UCK2: variants seen among roughly 807,000 people sequenced by gnomAD.
UCK2 encodes cytidine monophosphokinase 2.
Under a neutral mutation model 30.8 loss-of-function variants are expected in UCK2, and 6 were observed. The ratio of observed to expected loss-of-function variants is 0.19; its 90% CI spans 0.11 to 0.38. The LOEUF is 0.38. Among genes scored for constraint, UCK2 ranks in the 10% least tolerant of loss-of-function variants. The pLI is 1.00. For missense variants in UCK2, 210 were observed against 339.8 expected (o/e 0.62, Z 3.00); for synonymous variants, 125 against 133.6 (o/e 0.94, Z 0.45).
At chr1:165,870,586 A>G (rs1419634364) in intron 1 of UCK2, among the ~76,000 whole-genome samples, 1 of 152,218 alleles carries the variant, frequency 6.6e-6, no homozygotes, top group East Asian at 1.9e-4. Context: ...TGTAGGAGGA[A>G]GAGATTCAAG....
chr1:165,885,313 G>GA (rs1042824530), intron 1 of UCK2: 44 of 398,268 alleles, frequency 1.1e-4, no homozygotes, highest in African/African-American at 6.6e-4. Context: ...TCCTCATTAG[G>GA]AAAAAAGAAG....
At chr1:165,869,337 A>G (rs993927434) in intron 1 of UCK2, among the ~76,000 whole-genome samples, 7 of 151,854 alleles carry the variant, frequency 4.6e-5, no homozygotes, top group African/African-American at 1.2e-4. Context: ...TGTTGCCACA[A>G]ACCTTCAATT....
chr1:165,911,016 A>G lies in UCK2; in HGVS notation c.*3193A>G, dbSNP rs1051347218. Reference sequence around the variant, plus strand: ...TATATGACCTCTCTTGCCCTTGTGCACTTTCCTTGATTTAGCAACCTTGAC... The same window carrying G: ...TATATGACCTCTCTTGCCCTTGTGCGCTTTCCTTGATTTAGCAACCTTGAC... On this transcript the variant is annotated 3_prime_UTR_variant, in exon 7 of 7. Transcript: ENST00000367879. The G allele has an allele frequency of 2.0e-4, 31 of 152,452 alleles. No homozygotes were observed. The highest frequency in any genetic ancestry group is 7.5e-4 in the African/African-American group (31 of 41,596). The allele number at this position is 152,452 out of a possible 1,614,324, so 9.4% of individuals were successfully genotyped here.
At chr1:165,828,309 C>A (rs555713577) in intron 1 of UCK2, among the ~76,000 whole-genome samples, 1 of 152,192 alleles carries the variant, frequency 6.6e-6, no homozygotes, top group Non-Finnish European at 1.5e-5. Context: ...CCCCCACTAA[C>A]CCCCGATGGA....
chr1:165,836,309 GC>G (rs771899349), intron 1 of UCK2, among the ~76,000 whole-genome samples: 4 of 152,098 alleles, frequency 2.6e-5, no homozygotes, highest in Non-Finnish European at 5.9e-5. Flanking sequence ...ATGAGATAGA[GC>G]CTTCCACCCC....
At chr1:165,861,212 C>A (rs1401127704) in intron 1 of UCK2, among the ~76,000 whole-genome samples, 8 of 152,106 alleles carry the variant, frequency 5.3e-5, no homozygotes, top group African/African-American at 1.4e-4. Context: ...GACCTAATCA[C>A]CTCCCAGAGG....
chr1:165,864,107 C>T (rs1340119969), intron 1 of UCK2, among the ~76,000 whole-genome samples: 3 of 152,156 alleles, frequency 2.0e-5, no homozygotes, highest in Non-Finnish European at 4.4e-5. Context: ...ACCACCATGC[C>T]TGGCTAATTT....
chr1:165,856,698 G>A (rs1271596672), intron 1 of UCK2, among the ~76,000 whole-genome samples: 1 of 152,102 alleles, frequency 6.6e-6, no homozygotes, highest in Non-Finnish European at 1.5e-5. Flanking sequence ...TTTCCAGGAG[G>A]TGATTTAATT....
intron 1 of UCK2, among the ~76,000 whole-genome samples, chr1:165,852,261 A>G (rs560237452): frequency 6.6e-6 from 1 of 152,354 alleles, no homozygotes; most frequent in Admixed American, 6.5e-5. Flanking sequence ...AGCAAAAGAA[A>G]CTATCATCAG....
chr1:165,840,198 C>G (rs1271594301), intron 1 of UCK2, among the ~76,000 whole-genome samples: 1 of 152,246 alleles, frequency 6.6e-6, no homozygotes, highest in Non-Finnish European at 1.5e-5. Flanking sequence ...GGAGTACAGG[C>G]GTGAGCCACT....
intron 1 of UCK2, among the ~76,000 whole-genome samples, chr1:165,872,983 A>T (rs1655240035): frequency 6.6e-6 from 1 of 152,248 alleles, no homozygotes; most frequent in Non-Finnish European, 1.5e-5. Flanking sequence ...TTGGAGATGC[A>T]AAAAGCAACT....
At chr1:165,854,368 A>G (rs957770261) in intron 1 of UCK2, among the ~76,000 whole-genome samples, 3 of 152,104 alleles carry the variant, frequency 2.0e-5, no homozygotes, top group Non-Finnish European at 2.9e-5. Flanking sequence ...CTCCTTGGAT[A>G]TTAGTTAACC....
intron 4 of UCK2, among the ~76,000 whole-genome samples, chr1:165,898,981 C>T (rs779879281): frequency 5.9e-5 from 9 of 152,184 alleles, no homozygotes; most frequent in Admixed American, 1.3e-4. Flanking sequence ...TCTCTCTCCA[C>T]GTAGGACAAA....
intron 1 of UCK2, among the ~76,000 whole-genome samples, chr1:165,851,481 C>A (rs140913038): frequency 5.1e-4 from 78 of 152,190 alleles, no homozygotes; most frequent in African/African-American, 1.8e-3. Context: ...GAAAGACCTC[C>A]TTATAGCCTG....
At chr1:165,829,643 GTTC>G (rs1000877652) in intron 1 of UCK2, among the ~76,000 whole-genome samples, 3 of 152,196 alleles carry the variant, frequency 2.0e-5, no homozygotes, top group Admixed American at 6.5e-5. Context: ...CTCTGTTATT[GTTC>G]TTCTTGTGTG....
chr1:165,895,190 G>A (rs1236986383), intron 3 of UCK2, among the ~76,000 whole-genome samples: 1 of 152,144 alleles, frequency 6.6e-6, no homozygotes, highest in Non-Finnish European at 1.5e-5. Flanking sequence ...GAGGTGGGTG[G>A]GTTGCATGAG....
chr1:165,835,142 G>A (rs965127099), intron 1 of UCK2, among the ~76,000 whole-genome samples: 5 of 152,074 alleles, frequency 3.3e-5, no homozygotes, highest in Non-Finnish European at 7.3e-5. Context: ...GTGGAGATGA[G>A]CACTGTCTTT....
intron 1 of UCK2, among the ~76,000 whole-genome samples, chr1:165,868,276 T>C (rs1451030050): frequency 6.6e-6 from 1 of 152,180 alleles, no homozygotes; most frequent in East Asian, 1.9e-4. Flanking sequence ...GCCTTAGGAT[T>C]TTTGGAATGG....
intron 4 of UCK2, among the ~76,000 whole-genome samples, chr1:165,901,489 G>A (rs1647460171): frequency 6.6e-6 from 1 of 152,132 alleles, no homozygotes; most frequent in African/African-American, 2.4e-5. Flanking sequence ...TTAGACAAAT[G>A]GCTTTCAGAA....
Sources: allele counts gnomAD v4.1 joint callset (sites outside exome capture counted in the v4.1 genomes callset), GRCh38; gene constraint gnomAD v4.1.1; transcripts MANE v1.5; gene names NCBI Gene and HGNC (gene_info 2026-07-23, HGNC 2026-07-21).